DLGAP2: variants seen among roughly 807,000 people sequenced by gnomAD.
DLGAP2 encodes DLG associated protein 2.
Under a neutral mutation model 100.3 loss-of-function variants are expected in DLGAP2, and 26 were observed. That is an observed-to-expected ratio of 0.26 (90% confidence interval 0.19 to 0.36). DLGAP2 has a LOEUF of 0.36. Among genes scored for constraint, DLGAP2 ranks in the 10% least tolerant of loss-of-function variants. The pLI is 1.00. For synonymous variants in DLGAP2, 886 were observed against 630.1 expected, an observed-to-expected ratio of 1.41 and a Z score of -6.08; for missense variants, 1,858 against 1,453.2, an observed-to-expected ratio of 1.28 and a Z score of -4.53.
chr8:1,447,001 A>G (rs560240319), intron 3 of DLGAP2, among the ~76,000 whole-genome samples: 128 of 152,280 alleles, frequency 8.4e-4, no homozygotes, highest in East Asian at 4.1e-3. Context: ...GGCTGAGACA[A>G]TGGGGTTTTC....
chr8:1,139,489 C>G (rs1796483556), intron 2 of DLGAP2, among the ~76,000 whole-genome samples: 2 of 152,214 alleles, frequency 1.3e-5, no homozygotes, highest in Admixed American at 1.3e-4. Flanking sequence ...AGCAAGGGGC[C>G]TCCCTCGGCG....
chr8:1,272,678 T>C (rs76086194), intron 3 of DLGAP2, among the ~76,000 whole-genome samples: 3,390 of 152,212 alleles, frequency 0.022, 60 homozygotes, highest in South Asian at 0.057. Context: ...ACAACTGGTG[T>C]GCAGGACCCT....
rs1563275268 is a variant in DLGAP2 at position 1,641,890 on chromosome 8, ACCTGTGTCACCCTCGACCCCGCCG to A, written c.1810+8845_1810+8868del. 4.7e-3 allele frequency among the ~76,000 whole-genome samples: 603 copies of A among 128,732 alleles called. 24 individuals carry two copies. The highest frequency in any genetic ancestry group is 0.015 in the African/African-American group (480 of 32,706). The allele number at this position is 128,732 out of a possible 152,430, so 84.5% of individuals were successfully genotyped here. The stretch of plus-strand genomic sequence containing the variant: ...ATACCCCTCGAACCCGCCGGTCCTC[ACCTGTGTCACCCTCGACCCCGCCG>A]GCCCTCACCTGTGTCACCCTCGACC... On this transcript the variant is annotated intron_variant, in intron 8 of 14. Coordinates refer to ENST00000637795, the MANE Select transcript of DLGAP2 (RefSeq NM_001346810.2).
intron 2 of DLGAP2, among the ~76,000 whole-genome samples, chr8:1,088,935 T>C (rs375753507): frequency 2.8e-4 from 33 of 117,998 alleles, no homozygotes; most frequent in Non-Finnish European, 5.1e-4. Context: ...TCCAGCAGGC[T>C]ATGCCATTCT....
At chr8:1,229,524 T>C (rs915357395) in intron 2 of DLGAP2, among the ~76,000 whole-genome samples, 6 of 149,464 alleles carry the variant, frequency 4.0e-5, no homozygotes, top group African/African-American at 9.7e-5. Context: ...GGTTTCATAA[T>C]AGTCTCTGAG....
rs1305790480 is a variant in DLGAP2, at chr8:1,237,174, C to A, written c.74-21677C>A. 6.5e-5 allele frequency among the ~76,000 whole-genome samples: 9 copies of A among 138,922 alleles called. No homozygotes were observed. The East Asian group carries it at 1.8e-3, about 28-fold the overall frequency. The allele number at this position is 138,922 out of a possible 152,430, so 91.1% of individuals were successfully genotyped here. On this transcript the variant is annotated intron_variant, in intron 2 of 14. Coordinates refer to ENST00000637795, the MANE Select transcript of DLGAP2 (RefSeq NM_001346810.2). ...CACATGGCGCCGTGTCTAGTTCTCT[C>A]ACATGGCGCCGTGTGTAGTTCTCTC...
chr8:1,179,654 A>C (rs184419199), intron 2 of DLGAP2, among the ~76,000 whole-genome samples: 17 of 152,358 alleles, frequency 1.1e-4, no homozygotes, highest in African/African-American at 4.1e-4. Flanking sequence ...TGTGTATTGC[A>C]ATCCTAATTT....
intron 6 of DLGAP2, among the ~76,000 whole-genome samples, chr8:1,622,776 G>C (rs1249307228): frequency 6.6e-6 from 1 of 152,168 alleles, no homozygotes; most frequent in Non-Finnish European, 1.5e-5. Flanking sequence ...TTCCATTTCT[G>C]ACACCTGGGA....
intron 3 of DLGAP2, among the ~76,000 whole-genome samples, chr8:1,372,894 G>C (rs779097608): frequency 6.6e-6 from 1 of 152,198 alleles, no homozygotes; most frequent in African/African-American, 2.4e-5. Context: ...AAATCTTAGG[G>C]ATTCAGTCTA....
chr8:1,008,099 A>G (rs1801173850), intron 2 of DLGAP2, among the ~76,000 whole-genome samples: 1 of 152,218 alleles, frequency 6.6e-6, no homozygotes, highest in Admixed American at 6.5e-5. Flanking sequence ...TTTTCATCCA[A>G]ATTGATTAGT....
intron 2 of DLGAP2, among the ~76,000 whole-genome samples, chr8:1,114,529 G>A (rs796715161): frequency 6.6e-6 from 1 of 151,946 alleles, no homozygotes; most frequent in African/African-American, 2.4e-5. Flanking sequence ...TTATTTCTGT[G>A]GGGTCAGTGG....
intron 2 of DLGAP2, among the ~76,000 whole-genome samples, chr8:1,155,935 C>T (rs1796775717): frequency 6.6e-6 from 1 of 152,152 alleles, no homozygotes; most frequent in East Asian, 1.9e-4. Flanking sequence ...CTTCGGGGCT[C>T]GGGGAGGCTG....
chr8:1,565,876 C>G lies in DLGAP2; in HGVS notation c.1424C>G (p.Pro475Arg). The part of the protein sequence containing the change: ...EPLLKSIGQR[P>R]LGEHQTQTYL... ...CTGCTGAAGTCCATCGGACAGAGACCGCTTGGAGAGCACCAGACGTAAGTG... is the reference window on the plus strand; with the variant it reads ...CTGCTGAAGTCCATCGGACAGAGACGGCTTGGAGAGCACCAGACGTAAGTG... Residue 475 changes from proline (P) to arginine (R), a missense_variant, in exon 6 of 15, where the codon CCG becomes CGG. Transcript: ENST00000637795. 6.2e-7 allele frequency: 1 copy of G among 1,608,014 alleles called. No homozygotes were observed. Among genetic ancestry groups the G allele is most frequent in the Non-Finnish European group, 8.5e-7 (1 of 1,177,266 alleles).
intron 1 of DLGAP2, among the ~76,000 whole-genome samples, chr8:762,756 G>A (rs1324078407): frequency 1.3e-5 from 2 of 152,074 alleles, no homozygotes; most frequent in East Asian, 1.9e-4. Context: ...ACAGCTCACT[G>A]CAGCCTCACC....
At chr8:906,428 G>GC (rs1203190427) in intron 1 of DLGAP2, among the ~76,000 whole-genome samples, 1 of 152,278 alleles carries the variant, frequency 6.6e-6, no homozygotes, top group East Asian at 1.9e-4. Context: ...GATCCCTGAG[G>GC]CCCTTTGGAA....
At chr8:1,507,894 C>G (rs1259860468) in intron 4 of DLGAP2, among the ~76,000 whole-genome samples, 1 of 150,706 alleles carries the variant, frequency 6.6e-6, no homozygotes, top group African/African-American at 2.5e-5. Flanking sequence ...GACCTTCCTG[C>G]ACTGCCCAAT....
At chr8:1,113,821 C>T (rs1180281654) in intron 2 of DLGAP2, among the ~76,000 whole-genome samples, 2 of 152,094 alleles carry the variant, frequency 1.3e-5, no homozygotes, top group African/African-American at 4.8e-5. Flanking sequence ...CAGTATGATG[C>T]TGGCTGTGGG....
chr8:1,339,241 T>G (rs563289651), intron 3 of DLGAP2, among the ~76,000 whole-genome samples: 22 of 134,694 alleles, frequency 1.6e-4, no homozygotes, highest in South Asian at 4.9e-4. Context: ...CGGGAGGGAA[T>G]GCAGTGACCT....
At chr8:1,098,382 T>C (rs1804459440) in intron 2 of DLGAP2, among the ~76,000 whole-genome samples, 1 of 152,194 alleles carries the variant, frequency 6.6e-6, no homozygotes, top group Non-Finnish European at 1.5e-5. Flanking sequence ...TCTGGAACAT[T>C]CAGGGACACC....
Sources: allele counts gnomAD v4.1 joint callset (sites outside exome capture counted in the v4.1 genomes callset), GRCh38; gene constraint gnomAD v4.1.1; transcripts MANE v1.5; gene names NCBI Gene and HGNC (gene_info 2026-07-23, HGNC 2026-07-21).